The following POF1B variants were observed in gnomAD, a reference collection of about 807,000 sequenced individuals.
POF1B encodes the protein POF1B actin binding protein, also known as protein POF1B.
A neutral mutation model predicts 55.3 loss-of-function variants in POF1B; 53 were observed. That is an observed-to-expected ratio of 0.96 (90% CI 0.77 to 1.20). The LOEUF is 1.20. Ranked by LOEUF, POF1B falls within the 50% of genes most tolerant of loss-of-function variation. POF1B has a pLI of 0.00. For missense variants in POF1B, 478 were observed against 420.5 expected, an observed-to-expected ratio of 1.14 and a Z score of -1.20; for synonymous variants, 188 against 148.3, an observed-to-expected ratio of 1.27 and a Z score of -1.95.
intron 9 of POF1B, among the ~76,000 whole-genome samples, chrX:85,309,042 A>G (rs1932638730): frequency 9.0e-6 from 1 of 111,714 alleles, no homozygotes; most frequent in South Asian, 3.7e-4. Context: ...TTAAAGAAAA[A>G]TGGTTTAAAA....
rs1420126563 is a variant in POF1B at position 85,305,803 on chromosome X, G to T, written c.1425C>A (p.Ile475=). Residue 475 remains isoleucine, a synonymous_variant, in exon 13 of 17, where the codon ATC becomes ATA. Coordinates refer to ENST00000262753, the MANE Select transcript of POF1B (RefSeq NM_024921.4). ...KNLRMEKDRE[I]CRLRSQLNQY... ...AGGATCAACATACCCTCAGTCTGCA[G>T]ATCTCTCTATCTTTCTCCATTCTCA... The T allele has an allele frequency of 1.7e-6, 2 of 1,209,006 alleles. No individual in the cohort carries two copies. The highest frequency in any genetic ancestry group is 4.4e-5 in the Admixed American group (2 of 45,786).
At chrX:85,334,102 T>C (rs887445785) in intron 6 of POF1B, among the ~76,000 whole-genome samples, 1 of 111,319 alleles carries the variant, frequency 9.0e-6, no homozygotes, top group African/African-American at 3.3e-5. Context: ...TTGGAGCTTC[T>C]TAATTTTAAT....
chrX:85,348,350 G>T (rs1933311024), intron 5 of POF1B, among the ~76,000 whole-genome samples: 1 of 111,346 alleles, frequency 9.0e-6, no homozygotes, highest in African/African-American at 3.3e-5. Flanking sequence ...TTTCTGATTT[G>T]TCATATTGTT....
chrX:85,305,271 C>T (rs753764126), intron 13 of POF1B, among the ~76,000 whole-genome samples: 159 of 111,090 alleles, frequency 1.4e-3, no homozygotes, highest in Non-Finnish European at 2.8e-3. Flanking sequence ...TAAGTAAATT[C>T]AACCTAGAAT....
chrX:85,297,110 T>C (rs1603027406), intron 15 of POF1B, among the ~76,000 whole-genome samples: 1 of 112,089 alleles, frequency 8.9e-6, no homozygotes, highest in South Asian at 3.7e-4. Context: ...GGCTATTTTG[T>C]CTTCTTTCTA....
intron 15 of POF1B, among the ~76,000 whole-genome samples, chrX:85,290,325 A>G (rs1932154489): frequency 9.0e-6 from 1 of 111,534 alleles, no homozygotes; most frequent in African/African-American, 3.3e-5. Flanking sequence ...CATGGTGTAT[A>G]TGTACCACAT....
At chrX:85,284,439 T>C (rs1221583811) in intron 15 of POF1B, among the ~76,000 whole-genome samples, 2 of 112,017 alleles carry the variant, frequency 1.8e-5, no homozygotes, top group Admixed American at 1.9e-4. Context: ...AACAGCATGG[T>C]ACTGGTACCA....
In POF1B at chrX:85,303,532, A is replaced by G. The variant is rs768047094; in HGVS notation, c.1567-44T>C. On this transcript the variant is annotated intron_variant, in intron 14 of 16. Transcript: ENST00000262753. ...TATAATCATTTGATGGAAAGTAGAA[A>G]CATGAGATAATAAATATATTTAATC... is the stretch of plus-strand genomic sequence containing the variant. The G allele has an allele frequency of 4.9e-5, 42 of 849,114 alleles. No individual in the cohort carries two copies. In the South Asian group the frequency reaches 9.6e-4, roughly 19 times the overall value. 70.0% of individuals were successfully genotyped at this position (849,114 alleles called of 1,213,427 possible).
intron 2 of POF1B, among the ~76,000 whole-genome samples, chrX:85,373,631 T>C (rs148496829): frequency 0.013 from 1,491 of 111,864 alleles, 12 homozygotes; most frequent in East Asian, 0.045. Context: ...ATATAATCTC[T>C]ACCCTCTCAT....
chrX:85,284,676 A>C (rs767240884), intron 15 of POF1B, among the ~76,000 whole-genome samples: 9 of 111,760 alleles, frequency 8.1e-5, no homozygotes, highest in African/African-American at 2.9e-4. Flanking sequence ...TAAAGACTTA[A>C]ATGTTAGACC....
chrX:85,342,896 C>G (rs1166333150), intron 6 of POF1B, among the ~76,000 whole-genome samples: 1 of 111,388 alleles, frequency 9.0e-6, no homozygotes, highest in Non-Finnish European at 1.9e-5. Flanking sequence ...CCTGTCATCA[C>G]TCTGAGCAGG....
intron 12 of POF1B, 119 bp downstream of exon 12, chrX:85,306,062 A>G (rs1932566534): frequency 1.1e-6 from 1 of 937,353 alleles, no homozygotes; most frequent in Admixed American, 3.1e-5. Context: ...TAAAGCTCAA[A>G]TGTCAGTGAT....
intron 2 of POF1B, among the ~76,000 whole-genome samples, chrX:85,372,312 C>T (rs190842145): frequency 0.014 from 1,413 of 102,605 alleles, 30 homozygotes; most frequent in African/African-American, 0.05. Context: ...CCACTGTGCT[C>T]CAGGCTGGGC....
chrX:85,291,823 T>G, intron 15 of POF1B, among the ~76,000 whole-genome samples: 1 of 111,398 alleles, frequency 9.0e-6, no homozygotes, highest in Non-Finnish European at 1.9e-5. Flanking sequence ...ACTTTTGGAC[T>G]GAGATTGTGG....
intron 4 of POF1B, among the ~76,000 whole-genome samples, chrX:85,352,270 T>C (rs931999504): frequency 9.0e-6 from 1 of 111,252 alleles, no homozygotes; most frequent in Non-Finnish European, 1.9e-5. Flanking sequence ...TGGAGTTGTT[T>C]TGTTTGTTGT....
intron 6 of POF1B, among the ~76,000 whole-genome samples, chrX:85,333,152 C>A (rs1933008630): frequency 9.0e-6 from 1 of 110,547 alleles, no homozygotes; most frequent in South Asian, 3.8e-4. Context: ...ACCATACATT[C>A]CTGCCTCTAG....
intron 15 of POF1B, 120 bp downstream of exon 15, chrX:85,303,286 A>G: frequency 2.4e-6 from 1 of 423,343 alleles, no homozygotes; most frequent in Non-Finnish European, 4.0e-6. Flanking sequence ...CTTCAGTAGA[A>G]TAACTGGCCA....
At chrX:85,295,816 G>C (rs1932296714) in intron 15 of POF1B, among the ~76,000 whole-genome samples, 1 of 111,544 alleles carries the variant, frequency 9.0e-6, no homozygotes, top group Admixed American at 9.5e-5. Context: ...TTGTCAGTGG[G>C]GTGTTGCAGT....
In POF1B at chrX:85,351,311, T is replaced by A. The variant is rs749323975; in HGVS notation, c.540+39A>T. 3 of 968,880 alleles carry A rather than the reference T, an allele frequency of 3.1e-6. No individual in the cohort carries two copies. In the South Asian group the frequency reaches 6.6e-5, roughly 21 times the overall value. 79.8% of individuals were successfully genotyped at this position (968,880 alleles called of 1,213,427 possible). ...TCTATTAAAATACAATTCAAAATTA[T>A]ACACTTAAAAACAAGTTTTAAAACA... is the stretch of plus-strand genomic sequence containing the variant. On this transcript the variant is annotated intron_variant, in intron 5 of 16. Coordinates refer to ENST00000262753, the MANE Select transcript of POF1B (RefSeq NM_024921.4).
Sources: allele counts gnomAD v4.1 joint callset (sites outside exome capture counted in the v4.1 genomes callset), GRCh38; gene constraint gnomAD v4.1.1; transcripts MANE v1.5; gene names NCBI Gene and HGNC (gene_info 2026-07-23, HGNC 2026-07-21).